The following MUCL1 variants were observed in gnomAD, a reference collection of about 807,000 sequenced individuals.
MUCL1 encodes the protein mucin-like protein 1.
In MUCL1, 11 loss-of-function variants were observed where a neutral mutation model predicts 9.2. The ratio of observed to expected loss-of-function variants is 1.19; its 90% confidence interval spans 0.75 to 1.97. The LOEUF is 1.97. MUCL1 is among the 30% of genes most tolerant of loss of function. The pLI is 0.00. For synonymous variants in MUCL1, 48 were observed against 40.5 expected, an observed-to-expected ratio of 1.19 and a Z score of -0.71; for missense variants, 144 against 110.9, an observed-to-expected ratio of 1.30 and a Z score of -1.34.
upstream of MUCL1, among the ~76,000 whole-genome samples, chr12:54,853,229 C>A (rs1444469795): frequency 6.6e-6 from 1 of 152,202 alleles, no homozygotes; most frequent in Admixed American, 6.6e-5. Context: ...CAAGGGAAAT[C>A]TTTAAAATGT....
At chr12:54,839,533 G>A (rs192055910) in intron 1 of MUCL1, 1 of 700,110 alleles carries the variant, frequency 1.4e-6, no homozygotes, top group East Asian at 2.7e-5. Context: ...ATGCACTGAG[G>A]TCTTTTCATT....
In MUCL1 at chr12:54,858,182, T is replaced by A. The variant is rs773466348; in HGVS notation, c.224-11T>A. On this transcript the variant is annotated splice_polypyrimidine_tract_variant and intron_variant, in intron 3 of 3. Coordinates refer to ENST00000308796, the MANE Select transcript of MUCL1 (RefSeq NM_058173.3). Reference sequence around the variant, plus strand: ...GTCGAAGCCCCTTGACAATATTTTTTTCTCTTGCAGTTTTACCCAAATGGG... The same window carrying A: ...GTCGAAGCCCCTTGACAATATTTTTATCTCTTGCAGTTTTACCCAAATGGG... 3 of 1,613,266 alleles carry A rather than the reference T, an allele frequency of 1.9e-6. No individual in the cohort carries two copies. The highest frequency in any genetic ancestry group is 1.6e-4 in the Middle Eastern group (1 of 6,080).
chr12:54,844,285 A>G (rs976538376), intron 1 of MUCL1, among the ~76,000 whole-genome samples: 17 of 152,172 alleles, frequency 1.1e-4, no homozygotes, highest in Non-Finnish European at 4.4e-5. Flanking sequence ...AATTTAATTT[A>G]TTTAATAGAT....
intron 2 of MUCL1, 61 bp downstream of exon 2, chr12:54,855,218 A>G (rs7133564): frequency 0.46 from 681,580 of 1,480,350 alleles, 161,033 homozygotes; most frequent in African/African-American, 0.57. Context: ...TTCCAGCCTC[A>G]TGTCAAACAG....
Position 54,858,204 on chromosome 12 carries a change from T to G in MUCL1, c.235T>G (p.Trp79Gly). The G allele has an allele frequency of 1.2e-6, 2 of 1,613,438 alleles. No homozygotes were observed. Among genetic ancestry groups the G allele is most frequent in the Non-Finnish European group, 1.7e-6 (2 of 1,179,538 alleles). Reference protein sequence around the residue: ...ARKDIPVLPKWVGDLPNGRVC... With the variant: ...ARKDIPVLPKGVGDLPNGRVC... The stretch of plus-strand genomic sequence containing the variant: ...TTTTTCTCTTGCAGTTTTACCCAAA[T>G]GGGTTGGGGATCTCCCGAATGGTAG... Residue 79 changes from tryptophan to glycine, a missense_variant, in exon 4 of 4, where the codon TGG (tryptophan) becomes GGG (glycine). Transcript: ENST00000308796.
chr12:54,840,570 C>A (rs1373690023), intron 1 of MUCL1, among the ~76,000 whole-genome samples: 2 of 152,140 alleles, frequency 1.3e-5, no homozygotes, highest in Non-Finnish European at 2.9e-5. Flanking sequence ...TGAGCGGGGT[C>A]ATAAAGTTTC....
At chr12:54,851,317 A>T (rs1357276720), upstream of MUCL1, among the ~76,000 whole-genome samples, 2 of 152,194 alleles carry the variant, frequency 1.3e-5, no homozygotes, top group African/African-American at 2.4e-5. Flanking sequence ...TCTTTAAATC[A>T]TCTTAAATTA....
At chr12:54,857,810 T>A (rs1223067892) in intron 3 of MUCL1, among the ~76,000 whole-genome samples, 1 of 152,226 alleles carries the variant, frequency 6.6e-6, no homozygotes, top group Non-Finnish European at 1.5e-5. Flanking sequence ...TATTGCTTTA[T>A]ACTTTTTCAT....
chr12:54,839,704 C>T (rs1040878777), intron 1 of MUCL1, among the ~76,000 whole-genome samples: 30 of 152,176 alleles, frequency 2.0e-4, no homozygotes, highest in Non-Finnish European at 4.1e-4. Flanking sequence ...ATTGTGACTA[C>T]TCCTTGTGGA....
At chr12:54,846,291 G>A (rs958005950) in intron 1 of MUCL1, among the ~76,000 whole-genome samples, 5 of 152,138 alleles carry the variant, frequency 3.3e-5, no homozygotes, top group Non-Finnish European at 7.4e-5. Context: ...CTGCCATGGG[G>A]CTAGATCCCA....
In MUCL1 at chr12:54,855,346, T is replaced by G; in HGVS notation, c.100+189T>G. Reference sequence around the variant, plus strand: ...AGTGAATCTGCTTATTTCTTATACATTCTTAGAATATATGAAATCTAGGCC... The same window carrying G: ...AGTGAATCTGCTTATTTCTTATACAGTCTTAGAATATATGAAATCTAGGCC... On this transcript the variant is annotated intron_variant, in intron 2 of 3. Transcript: ENST00000308796. The G allele has an allele frequency of 1.2e-5, 7 of 589,610 alleles. No homozygotes were observed. In the South Asian group the frequency reaches 1.2e-4, roughly 10 times the overall value. The allele number at this position is 589,610 out of a possible 1,614,324, so 36.5% of individuals were successfully genotyped here.
chr12:54,849,251 T>C (rs1180992743), intron 1 of MUCL1, among the ~76,000 whole-genome samples: 1 of 152,136 alleles, frequency 6.6e-6, no homozygotes, highest in Non-Finnish European at 1.5e-5. Flanking sequence ...GGGAAATTTA[T>C]TTAACATTTG....
upstream of MUCL1, among the ~76,000 whole-genome samples, chr12:54,851,846 A>G (rs1182300717): frequency 1.3e-5 from 2 of 152,228 alleles, no homozygotes; most frequent in Non-Finnish European, 2.9e-5. Flanking sequence ...AAAAATCACA[A>G]GCATTCTTAT....
At chr12:54,841,490 T>C (rs1220343024) in intron 1 of MUCL1, among the ~76,000 whole-genome samples, 1 of 152,176 alleles carries the variant, frequency 6.6e-6, no homozygotes, top group African/African-American at 2.4e-5. Flanking sequence ...TTCCTCCACA[T>C]CCTCACCAAC....
At chr12:54,836,601 T>C (rs1241732842), upstream of MUCL1, among the ~76,000 whole-genome samples, 1 of 152,188 alleles carries the variant, frequency 6.6e-6, no homozygotes, top group Non-Finnish European at 1.5e-5. Context: ...CTGATCTTTA[T>C]TATTTCTTTT....
intron 1 of MUCL1, among the ~76,000 whole-genome samples, chr12:54,846,323 G>A (rs947911009): frequency 1.3e-5 from 2 of 152,182 alleles, no homozygotes; most frequent in African/African-American, 4.8e-5. Context: ...CATGGCCTCT[G>A]CACCTGCCCG....
chr12:54,854,573 G>T lies in MUCL1; in HGVS notation c.-10G>T, dbSNP rs1048371. 0.48 allele frequency: 776,821 copies of T among 1,609,142 alleles called. 194,692 individuals carry two copies. Among genetic ancestry groups the T allele is most frequent in the East Asian group, 0.84 (37,407 of 44,784 alleles). ...TTTTGTCTGTGCTCCCTGATCTTCAGGTCACCACCATGAAGTTCTTAGCAG... is the reference window on the plus strand; with the variant it reads ...TTTTGTCTGTGCTCCCTGATCTTCATGTCACCACCATGAAGTTCTTAGCAG... On this transcript the variant is annotated 5_prime_UTR_variant, in exon 1 of 4. In the 5' UTR this introduces an upstream ATG that the reference lacks. Coordinates refer to ENST00000308796, the MANE Select transcript of MUCL1 (RefSeq NM_058173.3).
chr12:54,855,282 G>A, intron 2 of MUCL1, 125 bp downstream of exon 2: 1 of 788,106 alleles, frequency 1.3e-6, no homozygotes, highest in Non-Finnish European at 2.1e-6. Context: ...AAAAGTCTGT[G>A]AAAGCTATAT....
Position 54,856,778 on chromosome 12 carries a change from G to A in MUCL1, c.109G>A (p.Ala37Thr). ...TTTCCTTCTAATTTCAGCTGGTCCT[G>A]CTGATGATGAAGCCCCTGATGCTGA... ...PADTYPATGP[A>T]DDEAPDAETT... Residue 37 changes from alanine (A) to threonine (T), a missense_variant, in exon 3 of 4, where the codon GCT becomes ACT. Physicochemically the swap from Ala to Thr is moderately conservative, Grantham distance 58. Transcript: ENST00000308796. The A allele has an allele frequency of 6.2e-7, 1 of 1,611,990 alleles. No homozygotes were observed. Among genetic ancestry groups the A allele is most frequent in the African/African-American group, 1.3e-5 (1 of 74,996 alleles).
Sources: gnomAD v4.1 joint callset for allele counts (sites outside exome capture counted in the v4.1 genomes callset) on GRCh38, gnomAD v4.1.1 for gene constraint, MANE v1.5 for transcripts, NCBI Gene and HGNC (gene_info 2026-07-23, HGNC 2026-07-21) for gene names.